SEC63: variants seen among roughly 807,000 people sequenced by gnomAD.
SEC63 encodes the protein translocation protein SEC63 homolog.
A neutral mutation model predicts 116.2 loss-of-function variants in SEC63; 56 were observed. The observed-to-expected ratio is 0.48, with a 90% CI of 0.39 to 0.60. The LOEUF (loss-of-function observed/expected upper bound fraction) is 0.60. Among genes scored for constraint, SEC63 ranks in the 20% least tolerant of loss-of-function variants. The pLI, the probability that SEC63 is intolerant of heterozygous loss-of-function variation, is 0.00. For missense variants in SEC63, 668 were observed against 900.0 expected (o/e 0.74, Z 3.30); for synonymous variants, 273 against 294.6 (o/e 0.93, Z 0.75).
intron 1 of SEC63, among the ~76,000 whole-genome samples, chr6:107,935,182 C>T (rs548737283): frequency 6.0e-5 from 9 of 150,914 alleles, no homozygotes; most frequent in African/African-American, 1.7e-4. Flanking sequence ...GGGTCAGCCC[C>T]CCGCCCGGCC....
chr6:107,889,554 A>AT (rs753851829), intron 16 of SEC63, among the ~76,000 whole-genome samples: 102 of 150,380 alleles, frequency 6.8e-4, no homozygotes, highest in East Asian at 2.6e-3. Context: ...GGATTCATTG[A>AT]TTTTTTTTTA....
intron 1 of SEC63, among the ~76,000 whole-genome samples, chr6:107,948,982 C>T (rs560344260): frequency 6.6e-6 from 1 of 152,288 alleles, no homozygotes; most frequent in Non-Finnish European, 1.5e-5. Flanking sequence ...CTGTGGTTCG[C>T]CCCATGTTCA....
chr6:107,884,212 G>A (rs1786477347), intron 16 of SEC63, among the ~76,000 whole-genome samples: 2 of 147,760 alleles, frequency 1.4e-5, no homozygotes, highest in African/African-American at 5.0e-5. Context: ...GGAGGTTGCA[G>A]TGAGCCACTG....
intron 3 of SEC63, among the ~76,000 whole-genome samples, chr6:107,922,306 C>T (rs1205738738): frequency 6.6e-6 from 1 of 152,206 alleles, no homozygotes; most frequent in Non-Finnish European, 1.5e-5. Flanking sequence ...GAGTTCAAGA[C>T]CAGCTTGGCC....
chr6:107,909,763 C>T (rs1381780209), intron 7 of SEC63, among the ~76,000 whole-genome samples: 1 of 152,086 alleles, frequency 6.6e-6, no homozygotes, highest in African/African-American at 2.4e-5. Flanking sequence ...ATTCATATTA[C>T]TTAATATGAT....
chr6:107,912,570 G>A (rs1311507193), intron 6 of SEC63, 146 bp downstream of exon 6: 2 of 679,686 alleles, frequency 2.9e-6, no homozygotes, highest in South Asian at 1.7e-5. Context: ...GGGCAATAGA[G>A]CAAGACTCTG....
chr6:107,879,670 T>C (rs1786365865), intron 18 of SEC63, among the ~76,000 whole-genome samples: 1 of 151,860 alleles, frequency 6.6e-6, no homozygotes, highest in African/African-American at 2.4e-5. Flanking sequence ...ATGTTTACCA[T>C]GCAGATGCAG....
rs565194589 is a variant in SEC63, at chr6:107,909,011, G to A, written c.649C>T (p.Arg217Cys). The change falls in exon 8 of 21, where the codon CGC becomes TGC. Residue 217 changes from arginine (R) to cysteine (C), a missense_variant. Arg to Cys is a radical substitution (Grantham distance 180, BLOSUM62 -3). This residue lies in a region of SEC63 where 430 missense variants were observed against 557.5 expected (regional missense o/e 0.77). Coordinates refer to ENST00000369002, the MANE Select transcript of SEC63 (RefSeq NM_007214.5). ...VVGSWWYRSI[R>C]YSGDQILIRT... is the part of the protein sequence containing the mutation. ...ATTAGAATCTGGTCTCCACTATAGC[G>A]TATTGAGCGATACCACCAAGAGCCC... is the stretch of plus-strand genomic sequence containing the variant. 61 of 1,611,738 alleles carry A rather than the reference G, an allele frequency of 3.8e-5. No individual in the cohort carries two copies. Among genetic ancestry groups the A allele is most frequent in the South Asian group, 1.5e-4 (14 of 90,986 alleles).
At chr6:107,900,626 C>T (rs746390557) in intron 13 of SEC63, among the ~76,000 whole-genome samples, 7 of 151,912 alleles carry the variant, frequency 4.6e-5, no homozygotes, top group East Asian at 1.9e-4. Flanking sequence ...CCAGCCTGGA[C>T]GACAGAGTGA....
In SEC63 at chr6:107,870,986, T is replaced by C. The variant is rs1469814678; in HGVS notation, c.*718A>G. The C allele has an allele frequency of 6.6e-6, 1 of 152,670 alleles. No individual in the cohort carries two copies. The allele number at this position is 152,670 out of a possible 1,614,324, so 9.5% of individuals were successfully genotyped here. A position where few individuals can be genotyped will look rare whatever the true frequency, so the allele number is the denominator to read the frequency against. On this transcript the variant is annotated 3_prime_UTR_variant, in exon 21 of 21. Coordinates refer to ENST00000369002, the MANE Select transcript of SEC63 (RefSeq NM_007214.5). ...AAACATACAGTCCCACTATCACTTT[T>C]AGAGCTAGAACTTATCAAAAGAATT...
chr6:107,904,324 C>T (rs867923042), intron 11 of SEC63, among the ~76,000 whole-genome samples: 6 of 151,262 alleles, frequency 4.0e-5, no homozygotes, highest in African/African-American at 9.7e-5. Context: ...GCAGGAGAAT[C>T]GCTTGAACCC....
At chr6:107,934,507 C>A (rs1369709468) in intron 1 of SEC63, among the ~76,000 whole-genome samples, 1 of 135,986 alleles carries the variant, frequency 7.4e-6, no homozygotes, top group Non-Finnish European at 1.6e-5. Context: ...GTGAGGAGCC[C>A]CTCCGCCCGG....
At chr6:107,956,038 G>T in intron 1 of SEC63, 2 of 406,326 alleles carry the variant, frequency 4.9e-6, no homozygotes, top group Non-Finnish European at 5.0e-6. Flanking sequence ...CCAGCTACTC[G>T]GGGGGCTGAA....
intron 8 of SEC63, 22 bp from the exon 9 acceptor site, chr6:107,906,799 G>T: frequency 1.3e-6 from 2 of 1,548,664 alleles, no homozygotes; most frequent in Non-Finnish European, 1.8e-6. Flanking sequence ...AAAGAAATAT[G>T]AAGGTAAATA....
At chr6:107,881,767 T>C (rs1395215101) in intron 17 of SEC63, among the ~76,000 whole-genome samples, 4 of 152,198 alleles carry the variant, frequency 2.6e-5, no homozygotes, top group African/African-American at 9.6e-5. Flanking sequence ...TCATATGTAC[T>C]ATAGTATTTA....
rs1770750266 is a variant in SEC63 at position 107,958,066 on chromosome 6, A to C, written c.-57T>G. 1 of 1,598,118 alleles carries C rather than the reference A, an allele frequency of 6.3e-7. No individual in the cohort carries two copies. The highest frequency in any genetic ancestry group is 1.7e-5 in the Admixed American group (1 of 59,282). ...CGCCGCCGCCACGACCACGCTCTGCACTCCCGCTCCCAACGCCCCGGCCCG... is the reference window on the plus strand; with the variant it reads ...CGCCGCCGCCACGACCACGCTCTGCCCTCCCGCTCCCAACGCCCCGGCCCG... On this transcript the variant is annotated 5_prime_UTR_variant, in exon 1 of 21. Transcript: ENST00000369002.
In SEC63 at chr6:107,870,165, G is replaced by A. The variant is rs556969720; in HGVS notation, c.*1539C>T. 6.6e-6 allele frequency: 1 copy of A among 152,562 alleles called. No homozygotes were observed. The highest frequency in any genetic ancestry group is 2.1e-4 in the South Asian group (1 of 4,824). The allele number at this position is 152,562 out of a possible 1,614,324, so 9.5% of individuals were successfully genotyped here. Reference sequence around the variant, plus strand: ...CTCCTACTTGTACAATGAAGTAAATGAAAAAAATCCTCAGTGACACTGCCT... The same window carrying A: ...CTCCTACTTGTACAATGAAGTAAATAAAAAAAATCCTCAGTGACACTGCCT... On this transcript the variant is annotated 3_prime_UTR_variant, in exon 21 of 21. Transcript: ENST00000369002.
At chr6:107,938,572 T>TC (rs60163147) in intron 1 of SEC63, among the ~76,000 whole-genome samples, 6,458 of 141,302 alleles carry the variant, frequency 0.046, 535 homozygotes, top group African/African-American at 0.15. Flanking sequence ...TTTTCTTTTT[T>TC]TTTTTTTTTA....
At chr6:107,925,002 G>A (rs563063408) in intron 2 of SEC63, 70 bp from the exon 3 acceptor site, 1,181 of 889,810 alleles carry the variant, frequency 1.3e-3, no homozygotes, top group Non-Finnish European at 2.0e-3. Context: ...ATTATGGCAA[G>A]GTCAAGGCAA....
Sources: allele counts gnomAD v4.1 joint callset (sites outside exome capture counted in the v4.1 genomes callset), GRCh38; gene constraint gnomAD v4.1.1; regional missense constraint gnomAD v4.1.1; transcripts MANE v1.5; gene names NCBI Gene and HGNC (gene_info 2026-07-23, HGNC 2026-07-21).